ADGRL3: variants seen among roughly 807,000 people sequenced by gnomAD.
ADGRL3 encodes the protein calcium-independent alpha-latrotoxin receptor 3.
A neutral mutation model predicts 153.5 loss-of-function variants in ADGRL3; 62 were observed. That is an observed-to-expected ratio of 0.40 (90% CI 0.33 to 0.50). The LOEUF (loss-of-function observed/expected upper bound fraction) is 0.50. ADGRL3 is among the 20% of genes least tolerant of loss of function. The probability of loss-of-function intolerance (pLI) is 0.47; values close to 1 mark genes in which losing one functional copy is unlikely to be tolerated. For missense variants in ADGRL3, 1,641 were observed against 1,859.4 expected, an observed-to-expected ratio of 0.88 and a Z score of 2.16; for synonymous variants, 710 against 672.5, an observed-to-expected ratio of 1.06 and a Z score of -0.86.
At chr4:61,549,643 G>A (rs2098731311) in intron 4 of ADGRL3, among the ~76,000 whole-genome samples, 1 of 151,556 alleles carries the variant, frequency 6.6e-6, no homozygotes, top group Non-Finnish European at 1.5e-5. Flanking sequence ...TTTATTATCT[G>A]CCTACCAAAT....
chr4:61,284,759 C>T (rs1362297443), intron 1 of ADGRL3, among the ~76,000 whole-genome samples: 1 of 151,200 alleles, frequency 6.6e-6, no homozygotes, highest in Non-Finnish European at 1.5e-5. Flanking sequence ...TTAAAATAAA[C>T]AAATGGTGAA....
intron 5 of ADGRL3, among the ~76,000 whole-genome samples, chr4:61,672,896 C>G (rs552589009): frequency 2.0e-5 from 3 of 151,916 alleles, no homozygotes; most frequent in African/African-American, 7.2e-5. Flanking sequence ...CAGTACTGTT[C>G]ACAATAAATA....
In ADGRL3 at chr4:61,653,164, TCTCTCTCA is replaced by T. The variant is rs1266933403; in HGVS notation, c.474-23660_474-23653del. On this transcript the variant is annotated intron_variant, in intron 5 of 26. Transcript: ENST00000683033. The stretch of plus-strand genomic sequence containing the variant: ...CTCTCTCTCTCTGTCTCTCTCTCTC[TCTCTCTCA>T]CACACACACACACACACACACACAC... Among the ~76,000 whole-genome samples the T allele has an allele frequency of 2.5e-3, 265 of 107,536 alleles. 1 individual carries two copies. The highest frequency in any genetic ancestry group is 6.9e-3 in the South Asian group (19 of 2,756). 70.5% of individuals were successfully genotyped at this position (107,536 alleles called of 152,430 possible).
In ADGRL3 at chr4:61,746,035, A is replaced by C. The variant is rs575461037; in HGVS notation, c.1399+12481A>C. Among the ~76,000 whole-genome samples, 6 of 152,292 alleles carry C rather than the reference A, an allele frequency of 3.9e-5. No homozygotes were observed. In the South Asian group the frequency reaches 1.2e-3, roughly 32 times the overall value. ...AAGATCTACCAAACAAATGGAAAAC[A>C]AAAAAAGGCAGGGGTTGCAATCCTA... On this transcript the variant is annotated intron_variant, in intron 8 of 26. Coordinates refer to ENST00000683033, the MANE Select transcript of ADGRL3 (RefSeq NM_001387552.1).
intron 5 of ADGRL3, among the ~76,000 whole-genome samples, chr4:61,655,114 C>A (rs1307920813): frequency 6.6e-6 from 1 of 151,910 alleles, no homozygotes; most frequent in East Asian, 1.9e-4. Flanking sequence ...TTGTGGCCAG[C>A]AGTGTACTCA....
chr4:61,326,570 G>A (rs1300774927), intron 1 of ADGRL3, among the ~76,000 whole-genome samples: 4 of 146,964 alleles, frequency 2.7e-5, no homozygotes, highest in African/African-American at 1.0e-4. Flanking sequence ...CAGTATTATT[G>A]GTCTCCAGCT....
At chr4:61,281,430 C>T (rs972209262) in intron 1 of ADGRL3, among the ~76,000 whole-genome samples, 1 of 152,108 alleles carries the variant, frequency 6.6e-6, no homozygotes, top group Non-Finnish European at 1.5e-5. Context: ...CTAATGAGAA[C>T]TAAATATTTT....
At chr4:61,535,115 T>A (rs965755496) in intron 4 of ADGRL3, among the ~76,000 whole-genome samples, 1 of 151,326 alleles carries the variant, frequency 6.6e-6, no homozygotes, top group Non-Finnish European at 1.5e-5. Flanking sequence ...TTTTTTTTTA[T>A]GCCTAGTTTG....
intron 8 of ADGRL3, among the ~76,000 whole-genome samples, chr4:61,787,250 C>G (rs1561250087): frequency 6.6e-6 from 1 of 151,906 alleles, no homozygotes; most frequent in African/African-American, 2.4e-5. Context: ...ATTGCATATG[C>G]TATCCAGACA....
At chr4:61,946,730 T>C (rs149224286) in intron 15 of ADGRL3, among the ~76,000 whole-genome samples, 184 bp from the exon 16 acceptor site, 54 of 152,306 alleles carry the variant, frequency 3.5e-4, no homozygotes, top group African/African-American at 1.3e-3. Context: ...TAAAAAATAT[T>C]GGTATGTAGT....
At chr4:61,637,641 A>G (rs764165903) in intron 5 of ADGRL3, among the ~76,000 whole-genome samples, 2 of 152,038 alleles carry the variant, frequency 1.3e-5, no homozygotes, top group African/African-American at 2.4e-5. Flanking sequence ...CCCGCCTGTA[A>G]TTCCAGCTAC....
At chr4:61,481,618 T>G (rs1408625277) in intron 2 of ADGRL3, among the ~76,000 whole-genome samples, 1 of 149,942 alleles carries the variant, frequency 6.7e-6, no homozygotes, top group Non-Finnish European at 1.5e-5. Flanking sequence ...TGAGTGTTTG[T>G]TTTTTTTTGT....
chr4:61,608,168 G>A (rs1313525027), intron 5 of ADGRL3, among the ~76,000 whole-genome samples: 1 of 152,214 alleles, frequency 6.6e-6, no homozygotes, highest in Non-Finnish European at 1.5e-5. Flanking sequence ...TGCTTCCACT[G>A]ACTGCCTCCT....
chr4:61,203,446 G>A (rs998801894), intron 1 of ADGRL3, among the ~76,000 whole-genome samples: 1 of 152,212 alleles, frequency 6.6e-6, no homozygotes, highest in African/African-American at 2.4e-5. Context: ...TCATTAGGAA[G>A]TATAAGGCTT....
intron 6 of ADGRL3, among the ~76,000 whole-genome samples, chr4:61,727,537 C>A (rs1298972959): frequency 6.6e-6 from 1 of 152,060 alleles, no homozygotes; most frequent in Non-Finnish European, 1.5e-5. Flanking sequence ...TGTCATCATG[C>A]AATTCATTTA....
intron 8 of ADGRL3, among the ~76,000 whole-genome samples, chr4:61,774,585 T>G (rs1472593595): frequency 1.3e-5 from 2 of 152,058 alleles, no homozygotes; most frequent in African/African-American, 4.8e-5. Flanking sequence ...TATCAGGGAC[T>G]TAAGCATCCA....
chr4:62,047,578 C>T (rs907052385), intron 25 of ADGRL3, among the ~76,000 whole-genome samples: 4 of 152,028 alleles, frequency 2.6e-5, no homozygotes, highest in Non-Finnish European at 4.4e-5. Flanking sequence ...TGGGATTTTA[C>T]TCCTTGGAAG....
chr4:61,927,093 T>C (rs2098797485), intron 13 of ADGRL3, among the ~76,000 whole-genome samples: 3 of 152,180 alleles, frequency 2.0e-5, no homozygotes, highest in Non-Finnish European at 4.4e-5. Flanking sequence ...CTTGTTTAAT[T>C]GCCTGGCCTC....
chr4:61,959,974 C>G (rs2098981729), intron 17 of ADGRL3, among the ~76,000 whole-genome samples: 1 of 152,008 alleles, frequency 6.6e-6, no homozygotes, highest in African/African-American at 2.4e-5. Flanking sequence ...AGTACTTTAA[C>G]TAATGTATTT....
Sources: allele counts gnomAD v4.1 joint callset (sites outside exome capture counted in the v4.1 genomes callset), GRCh38; gene constraint gnomAD v4.1.1; transcripts MANE v1.5; gene names NCBI Gene and HGNC (gene_info 2026-07-23, HGNC 2026-07-21).